BTNL8: variants seen among roughly 807,000 people sequenced by gnomAD.
BTNL8 encodes butyrophilin-like protein 8.
In BTNL8, 22 loss-of-function variants were observed where a neutral mutation model predicts 36.1. The ratio of observed to expected loss-of-function variants is 0.61; its 90% CI spans 0.44 to 0.87. The LOEUF (loss-of-function observed/expected upper bound fraction) is 0.87, where lower values mean the gene tolerates loss of function less well. Ranked by LOEUF, BTNL8 falls within the 40% of genes least tolerant of loss-of-function variation. The probability of loss-of-function intolerance (pLI) is 0.00; values close to 1 mark genes in which losing one functional copy is unlikely to be tolerated. For synonymous variants in BTNL8, 203 were observed against 235.6 expected (o/e 0.86, Z 1.27); for missense variants, 526 against 616.9 (o/e 0.85, Z 1.56).
intron 3 of BTNL8, among the ~76,000 whole-genome samples, chr5:180,939,675 A>T (rs1758831326): frequency 6.6e-6 from 1 of 152,204 alleles, no homozygotes; most frequent in Admixed American, 6.5e-5. Context: ...TCACCATTGG[A>T]CAGATCATCT....
intron 1 of BTNL8, among the ~76,000 whole-genome samples, chr5:180,901,862 G>A (rs1034266286): frequency 2.0e-5 from 3 of 152,164 alleles, no homozygotes; most frequent in African/African-American, 7.2e-5. Context: ...GAAAATATAA[G>A]TCACACGTGA....
At chr5:180,906,497 T>C (rs1314027457) in intron 1 of BTNL8, among the ~76,000 whole-genome samples, 2 of 125,116 alleles carry the variant, frequency 1.6e-5, no homozygotes, top group Non-Finnish European at 3.2e-5. Flanking sequence ...CTGTGTCTTT[T>C]AATTGGAGCA....
chr5:180,902,406 T>C, intron 1 of BTNL8: 2 of 1,550,056 alleles, frequency 1.3e-6, no homozygotes, highest in Non-Finnish European at 1.7e-6. Flanking sequence ...TGTAAGGAGA[T>C]ACACAAATGC....
chr5:180,938,809 G>A (rs764351505), intron 3 of BTNL8, among the ~76,000 whole-genome samples: 1 of 151,922 alleles, frequency 6.6e-6, no homozygotes, highest in Non-Finnish European at 1.5e-5. Flanking sequence ...GGGATACTAT[G>A]TTCAAAGTGC....
intron 3 of BTNL8, among the ~76,000 whole-genome samples, chr5:180,924,545 T>C (rs1252142316): frequency 6.6e-6 from 1 of 152,222 alleles, no homozygotes; most frequent in Non-Finnish European, 1.5e-5. Flanking sequence ...CAGTTCCATT[T>C]AATGTCAGAG....
intron 3 of BTNL8, among the ~76,000 whole-genome samples, chr5:180,926,124 C>G: frequency 6.6e-6 from 1 of 152,126 alleles, no homozygotes; most frequent in African/African-American, 2.4e-5. Context: ...ACTGAGGTAC[C>G]TGGCTCATCT....
chr5:180,950,594 CA>C lies in BTNL8; in HGVS notation c.*51del. ...TTTAGGGATATTAAGGTCTCTCTCC[CA>C]GATCCAAAGTCCCGCAGCAGCCGGC... On this transcript the variant is annotated 3_prime_UTR_variant, in exon 8 of 8. Coordinates refer to ENST00000340184, the MANE Select transcript of BTNL8 (RefSeq NM_001040462.3). The C allele has an allele frequency of 7.0e-7, 1 of 1,437,976 alleles. No individual in the cohort carries two copies. The highest frequency in any genetic ancestry group is 9.6e-7 in the Non-Finnish European group (1 of 1,047,064). 89.1% of individuals were successfully genotyped at this position (1,437,976 alleles called of 1,614,324 possible).
intron 3 of BTNL8, among the ~76,000 whole-genome samples, chr5:180,914,222 T>G (rs1183591932): frequency 6.6e-6 from 1 of 152,166 alleles, no homozygotes; most frequent in Non-Finnish European, 1.5e-5. Flanking sequence ...TAAAAGGATT[T>G]AAGGGGGTGA....
intron 3 of BTNL8, among the ~76,000 whole-genome samples, chr5:180,936,807 A>C (rs1758670875): frequency 6.6e-6 from 1 of 152,184 alleles, no homozygotes; most frequent in Non-Finnish European, 1.5e-5. Context: ...CAGTGATCTA[A>C]GGACTTGTGG....
At chr5:180,900,708 C>T (rs1756788521) in intron 1 of BTNL8, among the ~76,000 whole-genome samples, 1 of 152,118 alleles carries the variant, frequency 6.6e-6, no homozygotes, top group Non-Finnish European at 1.5e-5. Context: ...TTCTGGGAAA[C>T]AAAGTGAGGG....
intron 3 of BTNL8, among the ~76,000 whole-genome samples, chr5:180,923,348 A>G (rs1392210798): frequency 3.9e-5 from 6 of 152,188 alleles, no homozygotes; most frequent in Non-Finnish European, 8.8e-5. Flanking sequence ...GGATATGTAT[A>G]TTTATGTAAG....
intron 3 of BTNL8, among the ~76,000 whole-genome samples, chr5:180,944,257 T>C (rs1759127798): frequency 6.6e-6 from 1 of 152,154 alleles, no homozygotes; most frequent in African/African-American, 2.4e-5. Context: ...GGTGTCCTGT[T>C]GCATAGCAAA....
At chr5:180,921,526 G>A (rs1357799125) in intron 3 of BTNL8, among the ~76,000 whole-genome samples, 1 of 151,960 alleles carries the variant, frequency 6.6e-6, no homozygotes, top group Non-Finnish European at 1.5e-5. Context: ...TATTCAAAAG[G>A]TATAAAAAAG....
At chr5:180,908,382 G>T (rs111342979) in intron 1 of BTNL8, among the ~76,000 whole-genome samples, 1 of 149,718 alleles carries the variant, frequency 6.7e-6, no homozygotes, top group Non-Finnish European at 1.5e-5. Context: ...TGCACGGTGC[G>T]CGCACCCACT....
At chr5:180,934,689 G>T (rs973786700) in intron 3 of BTNL8, among the ~76,000 whole-genome samples, 1 of 152,196 alleles carries the variant, frequency 6.6e-6, no homozygotes, top group Non-Finnish European at 1.5e-5. Context: ...AGGGGAATGT[G>T]GTGGTGCCTG....
chr5:180,946,166 G>T (rs1759234508), intron 3 of BTNL8, among the ~76,000 whole-genome samples: 1 of 152,060 alleles, frequency 6.6e-6, no homozygotes, highest in Admixed American at 6.5e-5. Flanking sequence ...CTGAGAAAAG[G>T]AACTCATACA....
At chr5:180,911,153 C>T (rs1306263015) in intron 2 of BTNL8, among the ~76,000 whole-genome samples, 186 bp from the exon 3 acceptor site, 3 of 152,164 alleles carry the variant, frequency 2.0e-5, no homozygotes, top group East Asian at 3.8e-4. Context: ...CACGCATACA[C>T]AGTAGTTGCT....
At chr5:180,908,372 T>C (rs1015829248) in intron 1 of BTNL8, among the ~76,000 whole-genome samples, 11 of 152,262 alleles carry the variant, frequency 7.2e-5, no homozygotes, top group South Asian at 4.1e-4. Flanking sequence ...CTTCGGCTCG[T>C]GCACGGTGCG....
chr5:180,939,996 T>C lies in BTNL8; in HGVS notation c.674-7516T>C, dbSNP rs139567221. Among the ~76,000 whole-genome samples, 497 of 152,292 alleles carry C rather than the reference T, an allele frequency of 3.3e-3. 2 individuals carry two copies. Among genetic ancestry groups the C allele is most frequent in the African/African-American group, 0.011 (457 of 41,546 alleles). On this transcript the variant is annotated intron_variant, in intron 3 of 7. Transcript: ENST00000340184. ...GACATTCTTCTGAACAACCATTGGCTTAATGCAGAAATTAAAAACAAAGTT... is the reference window on the plus strand; with the variant it reads ...GACATTCTTCTGAACAACCATTGGCCTAATGCAGAAATTAAAAACAAAGTT...
Sources: allele counts gnomAD v4.1 joint callset (sites outside exome capture counted in the v4.1 genomes callset), GRCh38; gene constraint gnomAD v4.1.1; transcripts MANE v1.5; gene names NCBI Gene and HGNC (gene_info 2026-07-23, HGNC 2026-07-21).